The following SUCLG2 variants were observed in gnomAD, a reference collection of about 807,000 sequenced individuals.
SUCLG2 encodes succinate-CoA ligase GDP-forming subunit beta.
Under a neutral mutation model 47.9 loss-of-function variants are expected in SUCLG2, and 42 were observed. The observed-to-expected ratio is 0.88, with a 90% CI of 0.69 to 1.14. The LOEUF is 1.14. Among genes scored for constraint, SUCLG2 ranks in the 50% most tolerant of loss-of-function variants. SUCLG2 has a pLI of 0.00. For synonymous variants in SUCLG2, 195 were observed against 197.3 expected (o/e 0.99, Z 0.10); for missense variants, 571 against 525.9 (o/e 1.09, Z -0.84).
intron 2 of SUCLG2, among the ~76,000 whole-genome samples, chr3:67,588,517 G>A (rs1473285697): frequency 2.0e-5 from 3 of 152,096 alleles, no homozygotes; most frequent in Non-Finnish European, 2.9e-5. Context: ...TCACACATCC[G>A]AAATGAGATT....
intron 9 of SUCLG2, among the ~76,000 whole-genome samples, chr3:67,460,181 A>AAATCG (rs1294922880): frequency 6.6e-6 from 1 of 152,150 alleles, no homozygotes; most frequent in Non-Finnish European, 1.5e-5. Context: ...GTAGTAAATC[A>AAATCG]CTACTGATTG....
At chr3:67,399,780 C>T (rs909660548) in intron 10 of SUCLG2, among the ~76,000 whole-genome samples, 10 of 152,082 alleles carry the variant, frequency 6.6e-5, no homozygotes, top group African/African-American at 2.2e-4. Flanking sequence ...AAAAGTTCAT[C>T]GAGATAGTTC....
intron 9 of SUCLG2, among the ~76,000 whole-genome samples, chr3:67,418,585 C>A (rs1281177460): frequency 6.6e-6 from 1 of 152,148 alleles, no homozygotes; most frequent in Non-Finnish European, 1.5e-5. Flanking sequence ...AAAATTTTTC[C>A]TTTCTCTGAT....
chr3:67,612,738 C>T (rs1700553678), intron 1 of SUCLG2, among the ~76,000 whole-genome samples: 1 of 152,182 alleles, frequency 6.6e-6, no homozygotes, highest in Admixed American at 6.5e-5. Flanking sequence ...AGAGTTAGCA[C>T]CAGATCCCCC....
At chr3:67,448,691 T>C (rs1188429962) in intron 9 of SUCLG2, among the ~76,000 whole-genome samples, 1 of 152,264 alleles carries the variant, frequency 6.6e-6, no homozygotes, top group Non-Finnish European at 1.5e-5. Context: ...TATGTTGCTT[T>C]AGCAGTTTTA....
At chr3:67,486,871 G>A (rs1705068235) in intron 9 of SUCLG2, among the ~76,000 whole-genome samples, 2 of 152,250 alleles carry the variant, frequency 1.3e-5, no homozygotes, top group South Asian at 4.2e-4. Context: ...CATGTGCATT[G>A]GGTGACTAAA....
intron 9 of SUCLG2, among the ~76,000 whole-genome samples, chr3:67,492,806 T>C (rs28669229): frequency 0.015 from 2,289 of 152,260 alleles, 56 homozygotes; most frequent in African/African-American, 0.053. Context: ...GATACTTGTG[T>C]TAGGTCCAAG....
intron 1 of SUCLG2, among the ~76,000 whole-genome samples, chr3:67,642,234 A>T (rs1701114134): frequency 6.6e-6 from 1 of 152,170 alleles, no homozygotes; most frequent in East Asian, 1.9e-4. Context: ...TGGCATCCTG[A>T]GGAGATGTGC....
chr3:67,495,725 G>GGAA, intron 9 of SUCLG2, 73 bp downstream of exon 9: 1 of 1,575,712 alleles, frequency 6.3e-7, no homozygotes, highest in East Asian at 2.2e-5. Context: ...ACTCTCACCA[G>GGAA]GAAGAACAAG....
intron 1 of SUCLG2, 114 bp from the exon 2 acceptor site, chr3:67,609,710 T>G: frequency 1.0e-6 from 1 of 981,606 alleles, no homozygotes; most frequent in African/African-American, 1.9e-5. Flanking sequence ...CAACCCAGAG[T>G]TGAGAGAAGC....
chr3:67,409,019 C>T lies in SUCLG2; in HGVS notation c.1063-8168G>A, dbSNP rs897254565. 2.6e-6 allele frequency: 4 copies of T among 1,535,264 alleles called. No individual in the cohort carries two copies. In the African/African-American group the frequency reaches 4.1e-5, roughly 16 times the overall value. The stretch of plus-strand genomic sequence containing the variant: ...TATTCTGGTGCCCAAGTATTTCTTG[C>T]TTTCAAATTTTGCTGCTGAATTAAA... On this transcript the variant is annotated intron_variant, in intron 9 of 10. Transcript: ENST00000307227.
chr3:67,593,081 T>C (rs1708209944), intron 2 of SUCLG2, among the ~76,000 whole-genome samples: 1 of 152,226 alleles, frequency 6.6e-6, no homozygotes. Flanking sequence ...TCCAGGTGGA[T>C]ATACGTCAAC....
In SUCLG2 at chr3:67,360,943, T is replaced by A. The variant is rs138938156; in HGVS notation, c.1184-175A>T. ...TTTGAGGACTGAACTTTTTTCCCTG[T>A]CTCTCTCTCGTTTATTGGGAAAACA... On this transcript the variant is annotated intron_variant, in intron 10 of 10. Transcript: ENST00000493112. 5.3e-3 allele frequency among the ~76,000 whole-genome samples: 814 copies of A among 152,296 alleles called. 8 individuals carry two copies. Among genetic ancestry groups the A allele is most frequent in the South Asian group, 0.019 (94 of 4,832 alleles).
intron 10 of SUCLG2, among the ~76,000 whole-genome samples, chr3:67,391,805 T>G (rs1215608862): frequency 1.3e-5 from 2 of 152,178 alleles, no homozygotes; most frequent in Non-Finnish European, 2.9e-5. Flanking sequence ...CTGGCCTCTT[T>G]GCACTTTTCT....
In SUCLG2 at chr3:67,529,178, C is replaced by A. The variant is rs201284259; in HGVS notation, c.235G>T (p.Glu79Ter). Residue 79 changes from glutamate to a stop codon, truncating the protein, a stop_gained, in exon 3 of 11, where the codon GAA becomes TAA. Transcript: ENST00000307227. LOFTEE classifies it high-confidence loss of function. ...AAGATCTGGGCTTTTAAAACAATTT[C>A]TTTTGCATCTGAAAAAGAAAAATCC... ...LEAAKRLNAK[E>*]IVLKAQILAG... The A allele has an allele frequency of 1.9e-6, 3 of 1,608,158 alleles. No individual in the cohort carries two copies. Among genetic ancestry groups the A allele is most frequent in the South Asian group, 1.1e-5 (1 of 89,250 alleles).
At chr3:67,468,039 G>C (rs1466060758) in intron 9 of SUCLG2, among the ~76,000 whole-genome samples, 3 of 152,152 alleles carry the variant, frequency 2.0e-5, no homozygotes, top group African/African-American at 7.2e-5. Flanking sequence ...GGGCAAAAGT[G>C]TGAAATAAAA....
chr3:67,609,790 C>A (rs1169283696), intron 1 of SUCLG2, among the ~76,000 whole-genome samples, 194 bp from the exon 2 acceptor site: 1 of 151,828 alleles, frequency 6.6e-6, no homozygotes, highest in African/African-American at 2.4e-5. Context: ...AGGACAACTA[C>A]ACACACACAA....
intron 9 of SUCLG2, among the ~76,000 whole-genome samples, chr3:67,459,225 GA>G (rs200256991): frequency 0.018 from 2,757 of 152,218 alleles, 47 homozygotes; most frequent in African/African-American, 0.041. Context: ...CCTGCTTGAC[GA>G]AGCACATTTA....
At chr3:67,401,970 G>A (rs1288668844) in intron 9 of SUCLG2, among the ~76,000 whole-genome samples, 1 of 152,154 alleles carries the variant, frequency 6.6e-6, no homozygotes. Context: ...GTAGGGTGAA[G>A]GTTGGCTCTC....
Sources: gnomAD v4.1 joint callset for allele counts (sites outside exome capture counted in the v4.1 genomes callset) on GRCh38, gnomAD v4.1.1 for gene constraint, MANE v1.5 for transcripts, NCBI Gene and HGNC (gene_info 2026-07-23, HGNC 2026-07-21) for gene names.